Variants in RASGRP1 observed in about 807,000 individuals in gnomAD.
The protein encoded by RASGRP1 is RAS guanyl releasing protein 1.
RASGRP1 carries 37 observed loss-of-function variants against 95.1 expected under a neutral mutation model. The observed-to-expected ratio is 0.39, with a 90% CI of 0.30 to 0.51. The LOEUF is 0.51. Among genes scored for constraint, RASGRP1 ranks in the 20% least tolerant of loss-of-function variants. RASGRP1 has a pLI of 0.80. For synonymous variants in RASGRP1, 325 were observed against 353.4 expected (o/e 0.92, Z 0.90); for missense variants, 711 against 965.4 (o/e 0.74, Z 3.49).
chr15:38,534,810 A>T lies in RASGRP1; in HGVS notation c.221-8406T>A, dbSNP rs186360721. Reference sequence around the variant, plus strand: ...AGCCAACGTGGAAAAGACTTGAAGGAAAAGAACCCATGCTTCCTGCCTCTG... The same window carrying T: ...AGCCAACGTGGAAAAGACTTGAAGGTAAAGAACCCATGCTTCCTGCCTCTG... On this transcript the variant is annotated intron_variant, in intron 2 of 16. Transcript: ENST00000310803. 1.5e-3 allele frequency among the ~76,000 whole-genome samples: 236 copies of T among 152,322 alleles called. 1 individual carries two copies. Among genetic ancestry groups the T allele is most frequent in the African/African-American group, 4.3e-3 (178 of 41,572 alleles).
At chr15:38,492,295 A>C (rs1448802013) in intron 16 of RASGRP1, among the ~76,000 whole-genome samples, 1 of 152,110 alleles carries the variant, frequency 6.6e-6, no homozygotes, top group Non-Finnish European at 1.5e-5. Flanking sequence ...TGTTTCTCTT[A>C]ATATTATGTT....
intron 11 of RASGRP1, 80 bp downstream of exon 11, chr15:38,503,192 C>G: frequency 8.7e-7 from 1 of 1,153,568 alleles, no homozygotes; most frequent in Non-Finnish European, 1.3e-6. Flanking sequence ...CACCATTGTG[C>G]TTTCCTCTCC....
chr15:38,559,568 C>T (rs1295516726), intron 2 of RASGRP1, among the ~76,000 whole-genome samples: 1 of 152,152 alleles, frequency 6.6e-6, no homozygotes, highest in Admixed American at 6.5e-5. Context: ...CAAGAAAAAC[C>T]TCCATCCTAA....
Position 38,494,475 on chromosome 15 carries a change from C to T in RASGRP1, c.2166G>A (p.Arg722=). The T allele has an allele frequency of 6.2e-7, 1 of 1,610,504 alleles. No homozygotes were observed. Among genetic ancestry groups the T allele is most frequent in the South Asian group, 1.1e-5 (1 of 90,132 alleles). The part of the protein sequence containing the change: ...PCPSPVLVRK[R]AFVKWENKDS... ...CTTTATTCTCCCACTTGACAAAAGCCCGCTTTCTGACCAAGACTGGGCTAG... is the reference window on the plus strand; with the variant it reads ...CTTTATTCTCCCACTTGACAAAAGCTCGCTTTCTGACCAAGACTGGGCTAG... The change falls in exon 16 of 17, where the codon CGG becomes CGA. Residue 722 remains arginine, a synonymous_variant. Coordinates refer to ENST00000310803, the MANE Select transcript of RASGRP1 (RefSeq NM_005739.4).
chr15:38,544,206 G>C (rs1712187663), intron 2 of RASGRP1, among the ~76,000 whole-genome samples: 1 of 152,060 alleles, frequency 6.6e-6, no homozygotes, highest in Admixed American at 6.5e-5. Context: ...TTGGCTGGTT[G>C]GAACTGCGTT....
At chr15:38,518,640 G>A (rs1296301994) in intron 4 of RASGRP1, among the ~76,000 whole-genome samples, 1 of 152,160 alleles carries the variant, frequency 6.6e-6, no homozygotes, top group East Asian at 1.9e-4. Flanking sequence ...GCTGTGGTAG[G>A]ATAAGGCATA....
Position 38,494,500 on chromosome 15 carries a change from G to A in RASGRP1, c.2141C>T (p.Pro714Leu), listed in dbSNP as rs1385406934. The A allele has an allele frequency of 1.2e-6, 2 of 1,606,392 alleles. No individual in the cohort carries two copies. The highest frequency in any genetic ancestry group is 2.7e-5 in the African/African-American group (2 of 74,816). ...YVLPSPTSPC[P>L]SPVLVRKRAF... ...CCGCTTTCTGACCAAGACTGGGCTAGGACATGGAGAGGTGGGACTGGGAAG... is the reference window on the plus strand; with the variant it reads ...CCGCTTTCTGACCAAGACTGGGCTAAGACATGGAGAGGTGGGACTGGGAAG... Residue 714 changes from proline to leucine, a missense_variant, in exon 16 of 17, where the codon CCT becomes CTT. Coordinates refer to ENST00000310803, the MANE Select transcript of RASGRP1 (RefSeq NM_005739.4).
At chr15:38,545,336 G>A (rs1391260269) in intron 2 of RASGRP1, among the ~76,000 whole-genome samples, 1 of 152,126 alleles carries the variant, frequency 6.6e-6, no homozygotes, top group East Asian at 1.9e-4. Context: ...CTAGTGTTTG[G>A]TCAGATCTTG....
chr15:38,514,798 C>T (rs62003610), intron 6 of RASGRP1, among the ~76,000 whole-genome samples: 1,708 of 152,316 alleles, frequency 0.011, 20 homozygotes, highest in Non-Finnish European at 0.019. Context: ...TGGCATCAAG[C>T]AGACATCCTG....
At position 38,518,280 on chromosome 15, in the gene RASGRP1, C is replaced by G; in HGVS notation, c.521+12G>C. 6.2e-7 allele frequency: 1 copy of G among 1,608,008 alleles called. No homozygotes were observed. ...GTGGTTTCGAAAGATGAGTCAAGACCTTGACACTCACATTTGAGTTGTGTC... is the reference window on the plus strand; with the variant it reads ...GTGGTTTCGAAAGATGAGTCAAGACGTTGACACTCACATTTGAGTTGTGTC... On this transcript the variant is annotated intron_variant, in intron 5 of 16. Coordinates refer to ENST00000310803, the MANE Select transcript of RASGRP1 (RefSeq NM_005739.4).
intron 5 of RASGRP1, among the ~76,000 whole-genome samples, chr15:38,516,949 C>T (rs1422384702): frequency 6.6e-6 from 1 of 151,238 alleles, no homozygotes; most frequent in Non-Finnish European, 1.5e-5. Flanking sequence ...GCGCCCTGCC[C>T]CCATTATTTT....
chr15:38,549,229 G>A (rs1005097400), intron 2 of RASGRP1, among the ~76,000 whole-genome samples: 1 of 152,246 alleles, frequency 6.6e-6, no homozygotes. Context: ...TGGTGCTCAT[G>A]AACTGGGAAG....
chr15:38,561,137 A>G (rs1388521008), intron 1 of RASGRP1, among the ~76,000 whole-genome samples: 1 of 152,236 alleles, frequency 6.6e-6, no homozygotes, highest in Non-Finnish European at 1.5e-5. Context: ...AAAAAAACGT[A>G]CCTCTGAAGT....
At chr15:38,564,241 A>G (rs1419253103) in intron 1 of RASGRP1, among the ~76,000 whole-genome samples, 3 of 152,194 alleles carry the variant, frequency 2.0e-5, no homozygotes, top group Non-Finnish European at 4.4e-5. Context: ...GGCAGCGCGG[A>G]AAGTCCGCGA....
chr15:38,538,075 C>T (rs1225314906), intron 2 of RASGRP1, among the ~76,000 whole-genome samples: 1 of 152,106 alleles, frequency 6.6e-6, no homozygotes, highest in Admixed American at 6.5e-5. Flanking sequence ...ACCAGCCTAG[C>T]CAACATGACA....
chr15:38,500,528 TAG>T (rs1890972541), intron 13 of RASGRP1, among the ~76,000 whole-genome samples: 1 of 151,952 alleles, frequency 6.6e-6, no homozygotes, highest in Non-Finnish European at 1.5e-5. Flanking sequence ...GTATTTTTAG[TAG>T]AGACGGGTTT....
At position 38,494,547 on chromosome 15, in the gene RASGRP1, T is replaced by A; in HGVS notation, c.2094A>T (p.Thr698=). Reference sequence around the variant, plus strand: ...GAAGCACATATAGAGTATCCTGGGCTGTCTTCCTTGGGGAAGACAGCACAA... The same window carrying A: ...GAAGCACATATAGAGTATCCTGGGCAGTCTTCCTTGGGGAAGACAGCACAA... ...GPFVLSSPRK[T]AQDTLYVLPS... The change falls in exon 16 of 17, where the codon ACA becomes ACT. Residue 698 remains threonine (T), a synonymous_variant. Transcript: ENST00000310803. The A allele has an allele frequency of 6.3e-7, 1 of 1,584,818 alleles. No individual in the cohort carries two copies. The highest frequency in any genetic ancestry group is 1.8e-5 in the Admixed American group (1 of 54,750).
At chr15:38,523,144 GCA>G (rs1892063822) in intron 3 of RASGRP1, among the ~76,000 whole-genome samples, 1 of 152,134 alleles carries the variant, frequency 6.6e-6, no homozygotes. Context: ...ACTGGTTTAG[GCA>G]AGAATAGATA....
At chr15:38,505,687 A>G (rs939941508) in intron 10 of RASGRP1, among the ~76,000 whole-genome samples, 153 bp downstream of exon 10, 9 of 152,222 alleles carry the variant, frequency 5.9e-5, no homozygotes, top group Admixed American at 2.0e-4. Flanking sequence ...CATATGTTGA[A>G]AAGCTTTCTC....
Sources: allele counts gnomAD v4.1 joint callset (sites outside exome capture counted in the v4.1 genomes callset), GRCh38; gene constraint gnomAD v4.1.1; transcripts MANE v1.5; gene names NCBI Gene and HGNC (gene_info 2026-07-23, HGNC 2026-07-21).